Variants in ACOXL observed in about 807,000 individuals in gnomAD.
ACOXL encodes the protein acyl-coenzyme A oxidase-like protein.
In ACOXL, 70 loss-of-function variants were observed where a neutral mutation model predicts 71.9. The ratio of observed to expected loss-of-function variants is 0.97; its 90% CI spans 0.80 to 1.19. The LOEUF (loss-of-function observed/expected upper bound fraction) is 1.19, where lower values mean the gene tolerates loss of function less well. Among genes scored for constraint, ACOXL ranks in the 50% most tolerant of loss-of-function variants. The pLI, the probability that ACOXL is intolerant of heterozygous loss-of-function variation, is 0.00. For missense variants in ACOXL, 703 were observed against 736.3 expected, an observed-to-expected ratio of 0.95 and a Z score of 0.52; for synonymous variants, 253 against 281.6, an observed-to-expected ratio of 0.90 and a Z score of 1.02.
At chr2:110,822,054 A>G (rs1688674778) in intron 9 of ACOXL, among the ~76,000 whole-genome samples, 1 of 152,040 alleles carries the variant, frequency 6.6e-6, no homozygotes, top group African/African-American at 2.4e-5. Context: ...TGTCTGCCCT[A>G]GGCCCTTTTA....
chr2:110,955,127 G>A (rs1033417219), intron 12 of ACOXL, among the ~76,000 whole-genome samples: 2 of 152,158 alleles, frequency 1.3e-5, no homozygotes, highest in Admixed American at 6.5e-5. Flanking sequence ...TAGTAAGTAC[G>A]TGGATTTGTG....
chr2:111,052,576 C>G (rs1370571849), intron 16 of ACOXL, among the ~76,000 whole-genome samples: 2 of 152,156 alleles, frequency 1.3e-5, no homozygotes, highest in South Asian at 2.1e-4. Context: ...CAGGAGTTGC[C>G]TCTCAGATTT....
chr2:111,102,931 TC>T (rs1238735768), intron 17 of ACOXL, among the ~76,000 whole-genome samples: 2 of 152,224 alleles, frequency 1.3e-5, no homozygotes, highest in African/African-American at 4.8e-5. Context: ...TGTGGCCTGT[TC>T]CATTTCACTT....
chr2:111,008,406 A>G (rs1038406024), intron 14 of ACOXL, among the ~76,000 whole-genome samples: 5 of 152,014 alleles, frequency 3.3e-5, no homozygotes, highest in Non-Finnish European at 5.9e-5. Context: ...AGATATCTTT[A>G]GTCTCTGGCT....
chr2:111,084,327 G>A (rs2068094101), intron 16 of ACOXL, among the ~76,000 whole-genome samples: 1 of 151,498 alleles, frequency 6.6e-6, no homozygotes, highest in African/African-American at 2.4e-5. Context: ...GAAGGATTGT[G>A]GGGGAGACAT....
intron 10 of ACOXL, among the ~76,000 whole-genome samples, chr2:110,884,506 A>G (rs983444010): frequency 2.0e-5 from 3 of 152,172 alleles, no homozygotes; most frequent in Non-Finnish European, 4.4e-5. Context: ...GCCACCCTTA[A>G]GCACTGACAT....
intron 14 of ACOXL, among the ~76,000 whole-genome samples, chr2:111,006,360 G>A (rs901909552): frequency 3.3e-5 from 5 of 152,166 alleles, no homozygotes; most frequent in East Asian, 1.9e-4. Flanking sequence ...GGACGATGTC[G>A]TAGAAAGCTA....
Position 111,041,951 on chromosome 2 carries a change from C to T in ACOXL, c.1370-7267C>T, listed in dbSNP as rs149352173. Among the ~76,000 whole-genome samples, 37 of 152,322 alleles carry T rather than the reference C, an allele frequency of 2.4e-4. No individual in the cohort carries two copies. In the East Asian group the frequency reaches 6.8e-3, roughly 28 times the overall value. On this transcript the variant is annotated intron_variant, in intron 15 of 17. Coordinates refer to ENST00000439055, the MANE Select transcript of ACOXL (RefSeq NM_001142807.4). ...GCCCTAAGAAGGAGGATGAATGTCT[C>T]GGGTTTGCAATGCCCCCCATGTGGA... is the stretch of plus-strand genomic sequence containing the variant.
intron 8 of ACOXL, among the ~76,000 whole-genome samples, chr2:110,803,350 T>G (rs1210200061): frequency 1.3e-5 from 2 of 152,226 alleles, no homozygotes; most frequent in African/African-American, 4.8e-5. Flanking sequence ...GAATGAAGAA[T>G]CTAGAAATAA....
At chr2:110,983,989 A>G (rs2062825808) in intron 12 of ACOXL, among the ~76,000 whole-genome samples, 1 of 152,124 alleles carries the variant, frequency 6.6e-6, no homozygotes, top group Non-Finnish European at 1.5e-5. Context: ...GACTATAAGC[A>G]CGCACCACCA....
chr2:111,080,843 C>A (rs2067872818), intron 16 of ACOXL, among the ~76,000 whole-genome samples: 1 of 152,164 alleles, frequency 6.6e-6, no homozygotes, highest in African/African-American at 2.4e-5. Flanking sequence ...TGGCTTCATC[C>A]CTGGGATGCA....
chr2:110,941,698 CTA>C (rs1206742866), intron 12 of ACOXL, among the ~76,000 whole-genome samples: 1 of 152,090 alleles, frequency 6.6e-6, no homozygotes, highest in Non-Finnish European at 1.5e-5. Flanking sequence ...GAAAATCAAT[CTA>C]AAATTCTATA....
chr2:111,018,709 G>GGT (rs1463663379), intron 14 of ACOXL, among the ~76,000 whole-genome samples: 10 of 78,692 alleles, frequency 1.3e-4, no homozygotes, highest in Non-Finnish European at 2.8e-4. Flanking sequence ...CAGAGAGGCT[G>GGT]GAGGGGGTGT....
At chr2:110,791,944 A>G (rs1684699888) in intron 3 of ACOXL, among the ~76,000 whole-genome samples, 1 of 152,152 alleles carries the variant, frequency 6.6e-6, no homozygotes, top group African/African-American at 2.4e-5. Flanking sequence ...GGTCTCTGCC[A>G]TCTCTCAACT....
At chr2:110,963,450 A>G (rs1186309298) in intron 12 of ACOXL, among the ~76,000 whole-genome samples, 1 of 152,224 alleles carries the variant, frequency 6.6e-6, no homozygotes, top group Non-Finnish European at 1.5e-5. Context: ...AAATTCTTAC[A>G]GTGGTTATTT....
intron 12 of ACOXL, among the ~76,000 whole-genome samples, chr2:110,954,793 G>A (rs2061439116): frequency 7.7e-6 from 1 of 130,708 alleles, no homozygotes; most frequent in Admixed American, 8.6e-5. Context: ...TGGTTTCTGG[G>A]GTACTTTCTT....
intron 16 of ACOXL, among the ~76,000 whole-genome samples, chr2:111,089,664 A>T (rs1270095417): frequency 1.3e-5 from 2 of 152,214 alleles, no homozygotes; most frequent in Middle Eastern, 6.3e-3. Flanking sequence ...AAAATAGTTT[A>T]TGGGGGGAAA....
intron 11 of ACOXL, among the ~76,000 whole-genome samples, chr2:110,925,549 C>G (rs1285060074): frequency 6.6e-6 from 1 of 152,208 alleles, no homozygotes; most frequent in Non-Finnish European, 1.5e-5. Context: ...TTGTAGCTTC[C>G]TCACTTCTCT....
At chr2:111,034,206 T>C (rs1430322788) in intron 15 of ACOXL, among the ~76,000 whole-genome samples, 1 of 152,336 alleles carries the variant, frequency 6.6e-6, no homozygotes, top group East Asian at 1.9e-4. Flanking sequence ...CGTGGGGCTG[T>C]TGGAAATATT....
Sources: allele counts gnomAD v4.1 joint callset (sites outside exome capture counted in the v4.1 genomes callset), GRCh38; gene constraint gnomAD v4.1.1; transcripts MANE v1.5; gene names NCBI Gene and HGNC (gene_info 2026-07-23, HGNC 2026-07-21).